Variants in SORCS3 observed in about 807,000 individuals in gnomAD.
SORCS3 encodes VPS10 domain-containing receptor SorCS3.
SORCS3 carries 57 observed loss-of-function variants against 146.3 expected under a neutral mutation model. The ratio of observed to expected loss-of-function variants is 0.39; its 90% confidence interval spans 0.31 to 0.49. The LOEUF (loss-of-function observed/expected upper bound fraction) is 0.49, where lower values mean the gene tolerates loss of function less well. SORCS3 is among the 20% of genes least tolerant of loss of function. The pLI is 0.92. For missense variants in SORCS3, 1,341 were observed against 1,575.5 expected, an observed-to-expected ratio of 0.85 and a Z score of 2.52; for synonymous variants, 653 against 618.5, an observed-to-expected ratio of 1.06 and a Z score of -0.83.
At chr10:104,812,879 A>G (rs1186989060) in intron 1 of SORCS3, among the ~76,000 whole-genome samples, 1 of 152,188 alleles carries the variant, frequency 6.6e-6, no homozygotes, top group Non-Finnish European at 1.5e-5. Flanking sequence ...CTTGAAGGGG[A>G]TGCTGTGGGT....
intron 5 of SORCS3, among the ~76,000 whole-genome samples, chr10:105,087,493 A>C (rs2133738860): frequency 6.6e-6 from 1 of 151,904 alleles, no homozygotes; most frequent in African/African-American, 2.4e-5. Context: ...CTGGGAAAAA[A>C]AAAAAAAGAA....
intron 1 of SORCS3, among the ~76,000 whole-genome samples, chr10:104,790,916 T>C: frequency 6.6e-6 from 1 of 152,226 alleles, no homozygotes; most frequent in South Asian, 2.1e-4. Flanking sequence ...TTGAGGTCCA[T>C]GACTACTTGA....
intron 3 of SORCS3, among the ~76,000 whole-genome samples, chr10:104,925,808 G>C (rs1241473308): frequency 6.6e-6 from 1 of 152,178 alleles, no homozygotes; most frequent in Non-Finnish European, 1.5e-5. Context: ...TGCTGTATCA[G>C]TTACTACAGC....
At chr10:104,738,394 A>C (rs2016801719) in intron 1 of SORCS3, among the ~76,000 whole-genome samples, 1 of 152,230 alleles carries the variant, frequency 6.6e-6, no homozygotes, top group Non-Finnish European at 1.5e-5. Context: ...GGCACTTTCC[A>C]GAAACAGGTT....
intron 1 of SORCS3, among the ~76,000 whole-genome samples, chr10:104,825,666 C>T (rs1258790542): frequency 3.3e-5 from 5 of 152,170 alleles, no homozygotes; most frequent in Admixed American, 1.3e-4. Flanking sequence ...AGAATTAAGC[C>T]GTGGTCTGGT....
At chr10:105,089,153 C>G (rs2055683854) in intron 5 of SORCS3, among the ~76,000 whole-genome samples, 1 of 152,104 alleles carries the variant, frequency 6.6e-6, no homozygotes, top group Non-Finnish European at 1.5e-5. Flanking sequence ...GCCAGAGAGA[C>G]CTTTAAGGTT....
chr10:104,881,648 A>G lies in SORCS3; in HGVS notation c.696-34185A>G, dbSNP rs983099472. ...TATTGTTCCCTTTTCAATTGCTTCT[A>G]TTTAAATATAGACAAGCACACACAT... is the stretch of plus-strand genomic sequence containing the variant. On this transcript the variant is annotated intron_variant, in intron 2 of 26. Transcript: ENST00000369701. Among the ~76,000 whole-genome samples the G allele has an allele frequency of 2.0e-5, 3 of 152,186 alleles. No individual in the cohort carries two copies. In the South Asian group the frequency reaches 6.2e-4, roughly 32 times the overall value.
intron 3 of SORCS3, among the ~76,000 whole-genome samples, chr10:104,966,865 C>T (rs1471251600): frequency 6.6e-6 from 1 of 152,092 alleles, no homozygotes; most frequent in African/African-American, 2.4e-5. Flanking sequence ...CCTGACTTCC[C>T]TGAGTGTCCT....
intron 2 of SORCS3, among the ~76,000 whole-genome samples, chr10:104,898,627 T>A (rs2018822146): frequency 1.3e-5 from 2 of 152,210 alleles, no homozygotes; most frequent in Admixed American, 6.5e-5. Context: ...ATTCATTGAC[T>A]GAAATCTGGC....
intron 23 of SORCS3, among the ~76,000 whole-genome samples, chr10:105,253,397 C>A (rs375941702): frequency 3.3e-5 from 5 of 152,280 alleles, no homozygotes; most frequent in African/African-American, 1.2e-4. Flanking sequence ...GATGTATTGC[C>A]TCTCTTTGCT....
intron 2 of SORCS3, among the ~76,000 whole-genome samples, chr10:104,883,056 G>A (rs1257005464): frequency 2.6e-5 from 4 of 152,160 alleles, no homozygotes; most frequent in Admixed American, 6.5e-5. Context: ...CTCAACAGAC[G>A]GAGTAGGAGC....
chr10:104,767,495 G>A (rs1212568411), intron 1 of SORCS3, among the ~76,000 whole-genome samples: 2 of 152,138 alleles, frequency 1.3e-5, no homozygotes, highest in Non-Finnish European at 2.9e-5. Context: ...CTTGACTGTG[G>A]CAAGCTTGGG....
Position 105,118,785 on chromosome 10 carries a change from A to C in SORCS3, c.1212+13270A>C, listed in dbSNP as rs554317689. Among the ~76,000 whole-genome samples the C allele has an allele frequency of 1.1e-3, 163 of 152,296 alleles. 1 individual carries two copies. The highest frequency in any genetic ancestry group is 8.5e-3 in the Admixed American group (130 of 15,292). On this transcript the variant is annotated intron_variant, in intron 7 of 26. Coordinates refer to ENST00000369701, the MANE Select transcript of SORCS3 (RefSeq NM_014978.3). ...TGCCCTTGCCCTGGAGATCTGTGGA[A>C]CTTTGAATTTGAGAGAGATGATTTA... is the stretch of plus-strand genomic sequence containing the variant.
chr10:105,127,033 C>T (rs2055980385), intron 7 of SORCS3, among the ~76,000 whole-genome samples: 1 of 152,098 alleles, frequency 6.6e-6, no homozygotes, highest in Non-Finnish European at 1.5e-5. Context: ...AGGTACTGAA[C>T]CAGTACTCGC....
chr10:105,016,706 G>T (rs1355926603), intron 4 of SORCS3, among the ~76,000 whole-genome samples: 3 of 151,970 alleles, frequency 2.0e-5, no homozygotes, highest in Non-Finnish European at 4.4e-5. Context: ...CTATCATGCT[G>T]GCTGGAAGGT....
chr10:104,682,530 C>G lies in SORCS3; in HGVS notation c.627+40576C>G, dbSNP rs1405090072. 4.6e-5 allele frequency among the ~76,000 whole-genome samples: 7 copies of G among 152,284 alleles called. No homozygotes were observed. The South Asian group carries it at 1.5e-3, about 32-fold the overall frequency. On this transcript the variant is annotated intron_variant, in intron 1 of 26. Transcript: ENST00000369701. Reference sequence around the variant, plus strand: ...TAGCTTTTATTTTTAAAAGTACTTTCAGCTCTAACATTCTAATTCCAGGCA... The same window carrying G: ...TAGCTTTTATTTTTAAAAGTACTTTGAGCTCTAACATTCTAATTCCAGGCA...
At chr10:104,752,619 A>T (rs2017001959) in intron 1 of SORCS3, among the ~76,000 whole-genome samples, 1 of 152,208 alleles carries the variant, frequency 6.6e-6, no homozygotes, top group Non-Finnish European at 1.5e-5. Context: ...TAGGGATGTT[A>T]GGCGTGTCCC....
intron 1 of SORCS3, among the ~76,000 whole-genome samples, chr10:104,804,766 A>T (rs111948561): frequency 7.9e-5 from 12 of 152,352 alleles, no homozygotes; most frequent in African/African-American, 2.6e-4. Flanking sequence ...ACCATTTAGG[A>T]AACCAGAATA....
At chr10:105,123,041 G>T (rs73350049) in intron 7 of SORCS3, among the ~76,000 whole-genome samples, 11,980 of 152,256 alleles carry the variant, frequency 0.079, 588 homozygotes, top group Middle Eastern at 0.12. Flanking sequence ...TTAAAGAAGG[G>T]CTTCCAAATC....
Sources: gnomAD v4.1 joint callset for allele counts (sites outside exome capture counted in the v4.1 genomes callset) on GRCh38, gnomAD v4.1.1 for gene constraint, MANE v1.5 for transcripts, NCBI Gene and HGNC (gene_info 2026-07-23, HGNC 2026-07-21) for gene names.